CDK14: variants seen among roughly 807,000 people sequenced by gnomAD.
CDK14 encodes the protein cyclin-dependent kinase 14.
A neutral mutation model predicts 60.7 loss-of-function variants in CDK14; 34 were observed. The observed-to-expected ratio is 0.56, with a 90% CI of 0.43 to 0.75. The LOEUF is 0.75. CDK14 is among the 30% of genes least tolerant of loss of function. The pLI, the probability that CDK14 is intolerant of heterozygous loss-of-function variation, is 0.00. For missense variants in CDK14, 482 were observed against 564.1 expected, an observed-to-expected ratio of 0.85 and a Z score of 1.47; for synonymous variants, 197 against 203.7, an observed-to-expected ratio of 0.97 and a Z score of 0.28.
intron 2 of CDK14, among the ~76,000 whole-genome samples, chr7:90,683,896 ACGTG>A (rs1801374734): frequency 9.1e-6 from 1 of 110,382 alleles, no homozygotes; most frequent in African/African-American, 3.6e-5. Flanking sequence ...TAGAAAATGT[ACGTG>A]TGTGTGTGTG....
At chr7:91,205,320 T>G (rs965158993) in intron 14 of CDK14, among the ~76,000 whole-genome samples, 2 of 152,170 alleles carry the variant, frequency 1.3e-5, no homozygotes, top group Non-Finnish European at 2.9e-5. Context: ...ATAAACAAAC[T>G]GTGGTATATT....
chr7:91,002,977 C>T (rs1323194945), intron 10 of CDK14, among the ~76,000 whole-genome samples: 1 of 152,028 alleles, frequency 6.6e-6, no homozygotes, highest in Non-Finnish European at 1.5e-5. Context: ...GAGGCTGAGG[C>T]AGGAGAATGG....
intron 5 of CDK14, among the ~76,000 whole-genome samples, chr7:90,857,345 C>G (rs140178103): frequency 4.3e-4 from 65 of 152,234 alleles, no homozygotes; most frequent in African/African-American, 1.3e-3. Context: ...AGGGAAGGCT[C>G]CTTGCATCCC....
intron 5 of CDK14, 45 bp downstream of exon 5, chr7:90,790,697 C>T: frequency 8.0e-7 from 1 of 1,255,038 alleles, no homozygotes; most frequent in Admixed American, 1.8e-5. Context: ...TTTCTATGGT[C>T]CCCGTAGCTA....
intron 2 of CDK14, among the ~76,000 whole-genome samples, chr7:90,648,035 T>A (rs1370343563): frequency 6.6e-6 from 1 of 152,278 alleles, no homozygotes; most frequent in East Asian, 1.9e-4. Flanking sequence ...TGCTGCATAA[T>A]AAATTACTCC....
At chr7:90,706,967 C>A (rs889334372) in intron 2 of CDK14, among the ~76,000 whole-genome samples, 5 of 152,102 alleles carry the variant, frequency 3.3e-5, no homozygotes, top group East Asian at 3.9e-4. Context: ...CTTGGCTTTT[C>A]CCCTCCCTGT....
At chr7:90,631,232 C>A (rs948540950) in intron 2 of CDK14, among the ~76,000 whole-genome samples, 8 of 152,150 alleles carry the variant, frequency 5.3e-5, no homozygotes, top group African/African-American at 1.9e-4. Context: ...TAAGTCACAG[C>A]AGATGTTTCA....
intron 2 of CDK14, among the ~76,000 whole-genome samples, chr7:90,649,274 TTCTTTCTTTCTTTCTTTC>T (rs1373992525): frequency 6.0e-5 from 3 of 49,980 alleles, no homozygotes; most frequent in African/African-American, 3.0e-4. Flanking sequence ...CTTTCTTTCT[TTCTTTCTTTCTTTCTTTC>T]TTTCTTTCTT....
rs1796130386 is a variant in CDK14, at chr7:91,010,790, C to CCTTCTT, written c.1041+26549_1041+26550insCTTCTT. On this transcript the variant is annotated intron_variant, in intron 10 of 14. Coordinates refer to ENST00000380050, the MANE Select transcript of CDK14 (RefSeq NM_001287135.2). Reference sequence around the variant, plus strand: ...CTTCCTTCTTTCCTTCCTTCTTTCCCTCCTTCCTTCTTTCCTTCCTTCCTT... The same window carrying CCTTCTT: ...CTTCCTTCTTTCCTTCCTTCTTTCCCCTTCTTTCCTTCCTTCTTTCCTTCCTTCCTT... Among the ~76,000 whole-genome samples the CCTTCTT allele has an allele frequency of 4.4e-5, 4 of 90,636 alleles. No homozygotes were observed. The East Asian group carries it at 1.3e-3, about 29-fold the overall frequency. 59.5% of individuals were successfully genotyped at this position (90,636 alleles called of 152,430 possible).
In CDK14 at chr7:90,668,737, C is replaced by T. The variant is rs1352321752; in HGVS notation, c.124-57830C>T. Reference sequence around the variant, plus strand: ...TTTTTTTTTTTTTTTCAACTGGGGCCTTGTTCTGTTGCCCAGACTGGAGTG... The same window carrying T: ...TTTTTTTTTTTTTTTCAACTGGGGCTTTGTTCTGTTGCCCAGACTGGAGTG... On this transcript the variant is annotated intron_variant, in intron 2 of 14. Transcript: ENST00000380050. 4.8e-5 allele frequency among the ~76,000 whole-genome samples: 5 copies of T among 104,976 alleles called. 1 individual carries two copies. The Admixed American group carries it at 4.9e-4, about 10-fold the overall frequency. The allele number at this position is 104,976 out of a possible 152,430, so 68.9% of individuals were successfully genotyped here.
chr7:91,037,811 T>TA (rs1348925195), intron 10 of CDK14, among the ~76,000 whole-genome samples: 1 of 152,242 alleles, frequency 6.6e-6, no homozygotes, highest in Non-Finnish European at 1.5e-5. Flanking sequence ...TTCTCTGAAT[T>TA]CAGGATGTTG....
At chr7:90,722,556 A>T (rs1802496090) in intron 2 of CDK14, among the ~76,000 whole-genome samples, 1 of 152,136 alleles carries the variant, frequency 6.6e-6, no homozygotes, top group Non-Finnish European at 1.5e-5. Flanking sequence ...GTTAGCAAAA[A>T]TGGTAAACGT....
intron 4 of CDK14, among the ~76,000 whole-genome samples, chr7:90,782,949 CT>C (rs1037725280): frequency 3.3e-5 from 5 of 151,806 alleles, no homozygotes; most frequent in African/African-American, 1.2e-4. Flanking sequence ...TTTTTGTCTC[CT>C]TGGGAGCCTG....
At chr7:90,680,927 G>C (rs904951413) in intron 2 of CDK14, among the ~76,000 whole-genome samples, 6 of 152,292 alleles carry the variant, frequency 3.9e-5, no homozygotes, top group African/African-American at 1.4e-4. Flanking sequence ...TTAGAACATG[G>C]CTATGTACAC....
At chr7:90,787,771 T>C (rs865802419) in intron 4 of CDK14, among the ~76,000 whole-genome samples, 5 of 152,186 alleles carry the variant, frequency 3.3e-5, no homozygotes, top group African/African-American at 1.2e-4. Flanking sequence ...TCATAACTTA[T>C]TAAAAACAAA....
intron 10 of CDK14, among the ~76,000 whole-genome samples, chr7:91,015,813 A>G (rs1307293492): frequency 6.6e-6 from 1 of 151,982 alleles, no homozygotes; most frequent in Non-Finnish European, 1.5e-5. Flanking sequence ...GCATATAAAC[A>G]TTTCACAAAA....
intron 5 of CDK14, among the ~76,000 whole-genome samples, chr7:90,814,580 G>A (rs1276554299): frequency 2.0e-5 from 3 of 151,948 alleles, no homozygotes; most frequent in Admixed American, 6.6e-5. Flanking sequence ...TCAGGAGTTC[G>A]AGACCAGCCT....
intron 2 of CDK14, among the ~76,000 whole-genome samples, chr7:90,665,537 T>G (rs1011303646): frequency 6.6e-6 from 1 of 152,108 alleles, no homozygotes. Flanking sequence ...TCAGTTTCAG[T>G]CCGGGTTATT....
chr7:90,922,777 C>G, intron 8 of CDK14, among the ~76,000 whole-genome samples: 1 of 151,944 alleles, frequency 6.6e-6, no homozygotes, highest in East Asian at 1.9e-4. Context: ...TTTATGTTAT[C>G]ACAACATAAC....
Sources: gnomAD v4.1 joint callset for allele counts (sites outside exome capture counted in the v4.1 genomes callset) on GRCh38, gnomAD v4.1.1 for gene constraint, MANE v1.5 for transcripts, NCBI Gene and HGNC (gene_info 2026-07-23, HGNC 2026-07-21) for gene names.